PALM2AKAP2: variants seen among roughly 807,000 people sequenced by gnomAD.
PALM2AKAP2 encodes the protein PALM2 and AKAP2 fusion, also known as PALM2-AKAP2 fusion protein.
PALM2AKAP2 carries 37 observed loss-of-function variants against 71.5 expected under a neutral mutation model. The observed-to-expected ratio is 0.52, with a 90% CI of 0.40 to 0.68. The LOEUF is 0.68. Among genes scored for constraint, PALM2AKAP2 ranks in the 30% least tolerant of loss-of-function variants. The pLI, the probability that PALM2AKAP2 is intolerant of heterozygous loss-of-function variation, is 0.00. For synonymous variants in PALM2AKAP2, 468 were observed against 478.8 expected (o/e 0.98, Z 0.29); for missense variants, 1,224 against 1,191.8 (o/e 1.03, Z -0.40).
chr9:109,905,786 A>G (rs1373711290), intron 3 of PALM2AKAP2, among the ~76,000 whole-genome samples: 1 of 152,100 alleles, frequency 6.6e-6, no homozygotes, highest in Non-Finnish European at 1.5e-5. Flanking sequence ...TCAAGCTTCA[A>G]ATTCATGCCT....
At chr9:109,909,421 A>T (rs1167603238) in intron 3 of PALM2AKAP2, among the ~76,000 whole-genome samples, 2 of 152,212 alleles carry the variant, frequency 1.3e-5, no homozygotes, top group Admixed American at 6.5e-5. Flanking sequence ...GTTGAGAAAC[A>T]ATTTATGTGT....
intron 1 of PALM2AKAP2, among the ~76,000 whole-genome samples, chr9:109,768,039 G>GA (rs755101081): frequency 0.37 from 37,466 of 102,340 alleles, 8,885 homozygotes; most frequent in African/African-American, 0.59. Context: ...GAAAGAAAAA[G>GA]AGGGAAGGAA....
intron 1 of PALM2AKAP2, among the ~76,000 whole-genome samples, chr9:110,093,084 G>A (rs549212293): frequency 2.6e-5 from 4 of 152,162 alleles, no homozygotes; most frequent in Non-Finnish European, 5.9e-5. Context: ...AAGGGAAATT[G>A]AGGGACATGT....
chr9:109,786,907 T>C (rs989128946), intron 1 of PALM2AKAP2, among the ~76,000 whole-genome samples: 3 of 152,224 alleles, frequency 2.0e-5, no homozygotes, highest in Non-Finnish European at 4.4e-5. Flanking sequence ...TATATTTCTT[T>C]GGGGGCTACT....
chr9:109,779,820 G>T (rs75138600), upstream of PALM2AKAP2, among the ~76,000 whole-genome samples: 3,742 of 152,234 alleles, frequency 0.025, 164 homozygotes, highest in African/African-American at 0.086. Context: ...GAGCCAGAAG[G>T]TGCCCTGAAC....
At chr9:109,752,166 A>G (rs757766781) in intron 1 of PALM2AKAP2, among the ~76,000 whole-genome samples, 2 of 152,108 alleles carry the variant, frequency 1.3e-5, no homozygotes, top group Non-Finnish European at 2.9e-5. Flanking sequence ...TTAGTGCGGT[A>G]ACTTATATGG....
chr9:109,778,730 T>C (rs544374085), upstream of PALM2AKAP2, among the ~76,000 whole-genome samples: 1 of 152,112 alleles, frequency 6.6e-6, no homozygotes, highest in Admixed American at 6.5e-5. Flanking sequence ...TGGAAGCATT[T>C]ATTCAGGAAA....
At chr9:109,946,687 C>CAAAATA (rs1831514636) in intron 6 of PALM2AKAP2, 1 of 37,840 alleles carries the variant, frequency 2.6e-5, no homozygotes, top group African/African-American at 9.3e-5. Context: ...AACTCCATCT[C>CAAAATA]AAAAAAAAAA....
At chr9:109,677,470 C>G (rs1286986408) in intron 1 of PALM2AKAP2, among the ~76,000 whole-genome samples, 1 of 152,056 alleles carries the variant, frequency 6.6e-6, no homozygotes, top group Non-Finnish European at 1.5e-5. Flanking sequence ...GAGTTGAAGA[C>G]CAGCCTGGCC....
At chr9:110,093,048 G>C (rs1834752315) in intron 1 of PALM2AKAP2, among the ~76,000 whole-genome samples, 1 of 152,194 alleles carries the variant, frequency 6.6e-6, no homozygotes, top group Admixed American at 6.5e-5. Flanking sequence ...AATGAAGGTA[G>C]AGAGTGGCAG....
At chr9:109,719,990 ATTCCTTTTTTTTTT>A (rs1394844521) in intron 1 of PALM2AKAP2, among the ~76,000 whole-genome samples, 1 of 151,070 alleles carries the variant, frequency 6.6e-6, no homozygotes, top group African/African-American at 2.4e-5. Context: ...TTATATTTTT[ATTCCTTTTTTTTTT>A]TTGAGATGGA....
chr9:109,990,072 T>C (rs1050182808), intron 6 of PALM2AKAP2, among the ~76,000 whole-genome samples: 2 of 150,202 alleles, frequency 1.3e-5, no homozygotes, highest in Non-Finnish European at 3.0e-5. Flanking sequence ...TCTTTCTTTT[T>C]TTTTTTTTTT....
chr9:109,884,770 T>C (rs1446575132), intron 3 of PALM2AKAP2, among the ~76,000 whole-genome samples: 1 of 152,218 alleles, frequency 6.6e-6, no homozygotes, highest in South Asian at 2.1e-4. Flanking sequence ...GGTTGCAAAC[T>C]ATAAAGTATA....
Position 110,138,166 on chromosome 9 carries a change from TCTGC to T in PALM2AKAP2, c.2201_2204del (p.Pro734LeufsTer45). ...AGAAAAGGGATGTATTACCAAAGAT[TCTGC>T]CTGCTGAAGACAGGGCGCTCAGGGA... On this transcript the variant is annotated frameshift_variant, in exon 2 of 4. Coordinates refer to ENST00000374525, the Ensembl canonical transcript of PALM2AKAP2. LOFTEE classifies it high-confidence loss of function. 1 of 1,614,006 alleles carries T rather than the reference TCTGC, an allele frequency of 6.2e-7. No individual in the cohort carries two copies. The highest frequency in any genetic ancestry group is 8.5e-7 in the Non-Finnish European group (1 of 1,179,962).
At chr9:109,953,795 A>C (rs1260246927) in intron 6 of PALM2AKAP2, among the ~76,000 whole-genome samples, 2 of 146,320 alleles carry the variant, frequency 1.4e-5, no homozygotes, top group Non-Finnish European at 3.0e-5. Flanking sequence ...AGATCGCACC[A>C]CTGCACTCTA....
At chr9:109,801,548 C>T (rs530288141) in intron 1 of PALM2AKAP2, among the ~76,000 whole-genome samples, 5 of 152,182 alleles carry the variant, frequency 3.3e-5, no homozygotes, top group Non-Finnish European at 7.3e-5. Flanking sequence ...AAAAAGCAAG[C>T]TCAGGCCAGT....
chr9:109,759,329 G>A (rs1258260887), intron 1 of PALM2AKAP2, among the ~76,000 whole-genome samples: 1 of 152,016 alleles, frequency 6.6e-6, no homozygotes, highest in African/African-American at 2.4e-5. Context: ...TCATAGAATG[G>A]TAGAATGTTT....
intron 1 of PALM2AKAP2, among the ~76,000 whole-genome samples, chr9:109,738,422 T>C (rs1171534526): frequency 6.6e-6 from 1 of 152,188 alleles, no homozygotes; most frequent in African/African-American, 2.4e-5. Context: ...AGAATAATGA[T>C]TGTTTAGGTA....
chr9:109,903,302 C>T (rs940613158), intron 3 of PALM2AKAP2, among the ~76,000 whole-genome samples: 7 of 151,518 alleles, frequency 4.6e-5, no homozygotes, highest in Admixed American at 1.3e-4. Context: ...ATATGCGTAC[C>T]GGGAGGGGTT....
Sources: gnomAD v4.1 joint callset for allele counts (sites outside exome capture counted in the v4.1 genomes callset) on GRCh38, gnomAD v4.1.1 for gene constraint, MANE v1.5 for transcripts, NCBI Gene and HGNC (gene_info 2026-07-23, HGNC 2026-07-21) for gene names.